The following AUTS2 variants were observed in gnomAD, a reference collection of about 807,000 sequenced individuals.
The protein encoded by AUTS2 is autism susceptibility gene 2 protein.
In AUTS2, 17 loss-of-function variants were observed where a neutral mutation model predicts 112.4. The ratio of observed to expected loss-of-function variants is 0.15; its 90% CI spans 0.10 to 0.23. The LOEUF is 0.23. Among genes scored for constraint, AUTS2 ranks in the 10% least tolerant of loss-of-function variants. The probability of loss-of-function intolerance (pLI) is 1.00; values close to 1 mark genes in which losing one functional copy is unlikely to be tolerated. For missense variants in AUTS2, 1,510 were observed against 1,701.6 expected (o/e 0.89, Z 1.98); for synonymous variants, 751 against 702.7 (o/e 1.07, Z -1.09).
intron 1 of AUTS2, among the ~76,000 whole-genome samples, chr7:69,753,737 A>G (rs1015243240): frequency 6.6e-6 from 1 of 152,214 alleles, no homozygotes; most frequent in Non-Finnish European, 1.5e-5. Context: ...GGCTCAGGAA[A>G]TAACTTCCAA....
chr7:69,941,384 A>ACTCTATTCACCTC (rs1481022104), intron 2 of AUTS2, among the ~76,000 whole-genome samples: 3 of 152,138 alleles, frequency 2.0e-5, no homozygotes, highest in Admixed American at 6.5e-5. Flanking sequence ...CCTTGAGCTA[A>ACTCTATTCACCTC]CTCTATTCAC....
At chr7:69,879,394 C>G (rs577621147) in intron 1 of AUTS2, among the ~76,000 whole-genome samples, 1 of 151,952 alleles carries the variant, frequency 6.6e-6, no homozygotes, top group African/African-American at 2.4e-5. Context: ...AAGTCATCCA[C>G]TCACCTCAGC....
chr7:70,488,827 G>T (rs1798126663), intron 5 of AUTS2, among the ~76,000 whole-genome samples: 1 of 152,122 alleles, frequency 6.6e-6, no homozygotes, highest in Non-Finnish European at 1.5e-5. Context: ...CCAGCCCAGG[G>T]CTCTTAGAAC....
intron 1 of AUTS2, among the ~76,000 whole-genome samples, chr7:69,728,756 C>A (rs918132383): frequency 1.1e-4 from 17 of 151,068 alleles, no homozygotes; most frequent in African/African-American, 3.9e-4. Context: ...CAGCTGAGTC[C>A]CTCTTTCTGA....
intron 2 of AUTS2, among the ~76,000 whole-genome samples, chr7:69,900,843 A>G (rs1424727534): frequency 1.3e-5 from 2 of 152,226 alleles, no homozygotes; most frequent in African/African-American, 2.4e-5. Flanking sequence ...CTGAAACGCC[A>G]GACTGGAGTT....
intron 5 of AUTS2, among the ~76,000 whole-genome samples, chr7:70,695,528 A>C (rs1390861165): frequency 6.6e-6 from 1 of 151,988 alleles, no homozygotes; most frequent in East Asian, 2.0e-4. Context: ...AGTTTCCAGG[A>C]GGTTTCTGTT....
intron 5 of AUTS2, among the ~76,000 whole-genome samples, chr7:70,643,501 G>A (rs997937786): frequency 6.6e-6 from 1 of 152,176 alleles, no homozygotes; most frequent in Non-Finnish European, 1.5e-5. Flanking sequence ...AACCTAGGAG[G>A]CTGAGGTTGC....
chr7:70,586,780 T>A lies in AUTS2; in HGVS notation c.691-111789T>A, dbSNP rs139424644. Among the ~76,000 whole-genome samples, 9 of 152,354 alleles carry A rather than the reference T, an allele frequency of 5.9e-5. No individual in the cohort carries two copies. In the East Asian group the frequency reaches 1.7e-3, roughly 29 times the overall value. On this transcript the variant is annotated intron_variant, in intron 5 of 18. Transcript: ENST00000342771. ...CAGTTTGCAGGTTAACATTTACTGT[T>A]CCTGTCCTTGAGGTCAGCACTTGCC...
chr7:70,337,210 C>G (rs1225164306), intron 4 of AUTS2, among the ~76,000 whole-genome samples: 2 of 152,192 alleles, frequency 1.3e-5, no homozygotes, highest in Non-Finnish European at 2.9e-5. Flanking sequence ...TGAGCTGAGA[C>G]TTAAAGGATG....
intron 2 of AUTS2, among the ~76,000 whole-genome samples, chr7:69,982,185 A>G (rs551609809): frequency 6.6e-6 from 1 of 152,320 alleles, no homozygotes; most frequent in African/African-American, 2.4e-5. Context: ...AAACGGGTTT[A>G]TAAGCTGCTG....
At chr7:70,081,568 A>T (rs977962851) in intron 2 of AUTS2, among the ~76,000 whole-genome samples, 2 of 151,976 alleles carry the variant, frequency 1.3e-5, no homozygotes, top group African/African-American at 4.8e-5. Context: ...CTCAAAAAAG[A>T]AAGAAGGAAA....
intron 5 of AUTS2, among the ~76,000 whole-genome samples, chr7:70,530,989 A>G (rs921987913): frequency 3.9e-5 from 6 of 152,188 alleles, no homozygotes; most frequent in African/African-American, 7.2e-5. Context: ...CCCTAGAAGT[A>G]GGCAGGCCTC....
At chr7:70,759,878 C>G (rs1789449090) in intron 6 of AUTS2, among the ~76,000 whole-genome samples, 1 of 152,144 alleles carries the variant, frequency 6.6e-6, no homozygotes, top group South Asian at 2.1e-4. Context: ...GAATGATATA[C>G]TCCAAGTGGT....
chr7:70,543,421 C>G (rs1014123692), intron 5 of AUTS2, among the ~76,000 whole-genome samples: 2 of 151,212 alleles, frequency 1.3e-5, no homozygotes, highest in South Asian at 4.2e-4. Context: ...CCCAGCTACT[C>G]GGGAGGCTGA....
At chr7:70,395,375 G>GA (rs1349001839) in intron 4 of AUTS2, among the ~76,000 whole-genome samples, 2 of 151,818 alleles carry the variant, frequency 1.3e-5, no homozygotes, top group African/African-American at 4.8e-5. Context: ...CATCTTAAGT[G>GA]AAAAAAAACT....
At chr7:69,796,986 T>A (rs1484344585) in intron 1 of AUTS2, among the ~76,000 whole-genome samples, 1 of 152,222 alleles carries the variant, frequency 6.6e-6, no homozygotes, top group Admixed American at 6.5e-5. Context: ...CATCTGAATG[T>A]GGAAGATTTT....
intron 4 of AUTS2, among the ~76,000 whole-genome samples, chr7:70,209,469 A>G (rs12698871): frequency 0.34 from 51,150 of 151,990 alleles, 9,297 homozygotes; most frequent in African/African-American, 0.48. Flanking sequence ...AAATGTGAAA[A>G]CCATCAGCAT....
At chr7:70,082,682 TA>T (rs1803381158) in intron 2 of AUTS2, among the ~76,000 whole-genome samples, 1 of 152,208 alleles carries the variant, frequency 6.6e-6, no homozygotes, top group African/African-American at 2.4e-5. Context: ...ATGTAGCCCT[TA>T]ACTAGCTGCA....
chr7:70,509,758 C>G (rs1320210546), intron 5 of AUTS2, among the ~76,000 whole-genome samples: 1 of 152,136 alleles, frequency 6.6e-6, no homozygotes, highest in Non-Finnish European at 1.5e-5. Context: ...ATCAAGGACT[C>G]AGAATGGTGT....
Sources: allele counts gnomAD v4.1 joint callset (sites outside exome capture counted in the v4.1 genomes callset), GRCh38; gene constraint gnomAD v4.1.1; transcripts MANE v1.5; gene names NCBI Gene and HGNC (gene_info 2026-07-23, HGNC 2026-07-21).